Variants in CNKSR2 observed in about 807,000 individuals in gnomAD.
CNKSR2 encodes the protein CNK homolog protein 2.
A neutral mutation model predicts 84.4 loss-of-function variants in CNKSR2; 14 were observed. The observed-to-expected ratio is 0.17, with a 90% CI of 0.11 to 0.26. The LOEUF (loss-of-function observed/expected upper bound fraction) is 0.26. Ranked by LOEUF, CNKSR2 falls within the 10% of genes least tolerant of loss-of-function variation. The pLI is 1.00. For synonymous variants in CNKSR2, 275 were observed against 277.9 expected, an observed-to-expected ratio of 0.99 and a Z score of 0.10; for missense variants, 485 against 771.2, an observed-to-expected ratio of 0.63 and a Z score of 4.40.
chrX:21,472,723 A>G (rs2091213226), intron 5 of CNKSR2, among the ~76,000 whole-genome samples: 2 of 111,789 alleles, frequency 1.8e-5, no homozygotes, highest in Admixed American at 9.5e-5. Context: ...AGAGAACTGT[A>G]AAAAATATGA....
intron 5 of CNKSR2, among the ~76,000 whole-genome samples, chrX:21,481,997 C>T (rs2091325147): frequency 8.9e-6 from 1 of 111,807 alleles, no homozygotes; most frequent in Admixed American, 9.5e-5. Context: ...GGACTGGTTC[C>T]AGTGCCTGGA....
chrX:21,440,921 T>C (rs2090774578), intron 4 of CNKSR2, 140 bp downstream of exon 4: 1 of 364,823 alleles, frequency 2.7e-6, no homozygotes. Context: ...AGAAATGAAA[T>C]GTGTAGTTAT....
At chrX:21,481,851 A>C (rs919995848) in intron 5 of CNKSR2, among the ~76,000 whole-genome samples, 3 of 111,541 alleles carry the variant, frequency 2.7e-5, no homozygotes, top group African/African-American at 9.8e-5. Flanking sequence ...GAAAGTGGGG[A>C]CCTCAGTCAT....
At chrX:21,601,517 G>A (rs1351603967) in intron 18 of CNKSR2, among the ~76,000 whole-genome samples, 168 bp downstream of exon 18, 2 of 111,276 alleles carry the variant, frequency 1.8e-5, no homozygotes, top group African/African-American at 3.3e-5. Context: ...GGGACTGAAC[G>A]CTCAAATTTT....
chrX:21,527,359 A>AT (rs1166192166), intron 10 of CNKSR2, among the ~76,000 whole-genome samples: 15 of 107,718 alleles, frequency 1.4e-4, no homozygotes, highest in African/African-American at 2.7e-4. Context: ...CATTTCATAC[A>AT]TTTTTTTTTT....
chrX:21,514,485 G>A (rs2091706953), intron 8 of CNKSR2, among the ~76,000 whole-genome samples: 1 of 111,842 alleles, frequency 8.9e-6, no homozygotes, highest in Non-Finnish European at 1.9e-5. Flanking sequence ...TGATAGAAAA[G>A]CAATTCTGTT....
intron 20 of CNKSR2, among the ~76,000 whole-genome samples, chrX:21,634,002 T>C (rs1489993583): frequency 8.9e-6 from 1 of 112,269 alleles, no homozygotes; most frequent in Non-Finnish European, 1.9e-5. Flanking sequence ...TGAACATTAA[T>C]GCTAATTTGT....
intron 13 of CNKSR2, among the ~76,000 whole-genome samples, chrX:21,568,691 A>G (rs1301968586): frequency 2.7e-5 from 3 of 111,448 alleles, no homozygotes; most frequent in East Asian, 2.8e-4. Context: ...TGAAAATGCT[A>G]TTCTGATTAC....
chrX:21,615,673 A>G (rs376932559), intron 20 of CNKSR2, among the ~76,000 whole-genome samples: 1 of 111,675 alleles, frequency 9.0e-6, no homozygotes, highest in East Asian at 2.8e-4. Flanking sequence ...TGTTTCATTT[A>G]TAGATTGATA....
chrX:21,418,428 C>T (rs1018155120), intron 1 of CNKSR2, among the ~76,000 whole-genome samples: 2 of 111,387 alleles, frequency 1.8e-5, no homozygotes. Flanking sequence ...TCATAAATGT[C>T]CTTTTCTTTC....
chrX:21,585,110 C>T (rs2092378026), intron 13 of CNKSR2, among the ~76,000 whole-genome samples: 1 of 107,756 alleles, frequency 9.3e-6, no homozygotes, highest in East Asian at 2.9e-4. Flanking sequence ...GGGCATGGTG[C>T]TGTGTACCTG....
At chrX:21,563,115 A>G (rs1026272057) in intron 12 of CNKSR2, 123 bp from the exon 13 acceptor site, 10 of 496,473 alleles carry the variant, frequency 2.0e-5, no homozygotes, top group Non-Finnish European at 3.3e-5. Flanking sequence ...CGGTTCTTGC[A>G]ATTAAAAGTA....
intron 3 of CNKSR2, among the ~76,000 whole-genome samples, chrX:21,436,000 A>C (rs980592735): frequency 1.1e-4 from 12 of 111,611 alleles, no homozygotes; most frequent in African/African-American, 3.9e-4. Context: ...TTTCTCTGAA[A>C]TTTTTTGTCT....
rs1207449445 is a variant in CNKSR2, at chrX:21,652,734, C to T, written c.*213C>T. The T allele has an allele frequency of 2.9e-6, 1 of 346,374 alleles. No individual in the cohort carries two copies. The highest frequency in any genetic ancestry group is 4.9e-6 in the Non-Finnish European group (1 of 202,607). 28.5% of individuals were successfully genotyped at this position (346,374 alleles called of 1,213,427 possible). A position where few individuals can be genotyped will look rare whatever the true frequency, so the allele number is the denominator to read the frequency against. The stretch of plus-strand genomic sequence containing the variant: ...GTGCTCAGCTTATGTTTACCATGTG[C>T]AAAATCAACTGTCTTTAATGACTTA... On this transcript the variant is annotated 3_prime_UTR_variant, in exon 22 of 22. Transcript: ENST00000379510.
chrX:21,556,169 G>A (rs2092138133), intron 11 of CNKSR2, among the ~76,000 whole-genome samples: 1 of 110,519 alleles, frequency 9.0e-6, no homozygotes, highest in African/African-American at 3.3e-5. Context: ...GATCCTTTTT[G>A]GTCTAGTGTC....
At chrX:21,478,331 G>T (rs1331917155) in intron 5 of CNKSR2, among the ~76,000 whole-genome samples, 1 of 111,607 alleles carries the variant, frequency 9.0e-6, no homozygotes, top group Admixed American at 9.6e-5. Context: ...GATGCCTCAT[G>T]CAGGAAAGGA....
At chrX:21,509,024 CTT>C (rs1471598894) in intron 8 of CNKSR2, among the ~76,000 whole-genome samples, 3 of 111,969 alleles carry the variant, frequency 2.7e-5, no homozygotes, top group South Asian at 3.7e-4. Flanking sequence ...GCCTCTCTCT[CTT>C]GGACTCTCTG....
chrX:21,495,465 T>C (rs2147052628), intron 6 of CNKSR2: 1 of 110,401 alleles, frequency 9.1e-6, no homozygotes, highest in African/African-American at 3.3e-5. Context: ...TTCCACTTTA[T>C]CCTCTCACAA....
At chrX:21,407,183 A>G (rs906554820) in intron 1 of CNKSR2, among the ~76,000 whole-genome samples, 2 of 112,083 alleles carry the variant, frequency 1.8e-5, no homozygotes, top group Admixed American at 9.5e-5. Flanking sequence ...GGAAGCAAAT[A>G]TAAAACTGTA....
Sources: gnomAD v4.1 joint callset for allele counts (sites outside exome capture counted in the v4.1 genomes callset) on GRCh38, gnomAD v4.1.1 for gene constraint, MANE v1.5 for transcripts, NCBI Gene and HGNC (gene_info 2026-07-23, HGNC 2026-07-21) for gene names.